Variants in UGGT2 observed in about 807,000 individuals in gnomAD.
The protein encoded by UGGT2 is UDP-glucose glycoprotein glucosyltransferase 2, also known as UDP-glucose:glycoprotein glucosyltransferase 2.
A neutral mutation model predicts 192.1 loss-of-function variants in UGGT2; 180 were observed. That is an observed-to-expected ratio of 0.94 (90% confidence interval 0.83 to 1.06). The LOEUF (loss-of-function observed/expected upper bound fraction) is 1.06, where lower values mean the gene tolerates loss of function less well. Ranked by LOEUF, UGGT2 falls within the 50% of genes least tolerant of loss-of-function variation. The probability of loss-of-function intolerance (pLI) is 0.00; values close to 1 mark genes in which losing one functional copy is unlikely to be tolerated. For missense variants in UGGT2, 1,849 were observed against 1,795.7 expected (o/e 1.03, Z -0.54); for synonymous variants, 580 against 591.0 (o/e 0.98, Z 0.27).
intron 7 of UGGT2, chr13:95,991,206 T>C (rs138134330): frequency 0.016 from 3,825 of 234,364 alleles, 54 homozygotes; most frequent in South Asian, 0.033. Context: ...GTCTTTATAG[T>C]AGAATGATTT....
intron 20 of UGGT2, among the ~76,000 whole-genome samples, chr13:95,912,102 T>C (rs930797482): frequency 2.5e-4 from 38 of 152,168 alleles, no homozygotes; most frequent in African/African-American, 5.1e-4. Context: ...TAATAAGAGC[T>C]ATTTATGACA....
intron 1 of UGGT2, among the ~76,000 whole-genome samples, chr13:96,038,197 T>G (rs912946142): frequency 6.6e-6 from 1 of 152,218 alleles, no homozygotes; most frequent in African/African-American, 2.4e-5. Flanking sequence ...AAAAAGTACC[T>G]TTTGTTGAAT....
At chr13:95,883,027 T>C (rs2047538212) in intron 27 of UGGT2, among the ~76,000 whole-genome samples, 1 of 152,192 alleles carries the variant, frequency 6.6e-6, no homozygotes, top group African/African-American at 2.4e-5. Context: ...GCTATTAGTT[T>C]GCTGCCTTTT....
At chr13:95,805,914 G>GATTTTTTT (rs1385729559) in intron 38 of UGGT2, among the ~76,000 whole-genome samples, 2 of 151,420 alleles carry the variant, frequency 1.3e-5, no homozygotes, top group African/African-American at 2.4e-5. Context: ...CTTGTTACGT[G>GATTTTTTT]ATTTTTTTAA....
chr13:95,920,936 A>G (rs375992453), intron 20 of UGGT2, among the ~76,000 whole-genome samples: 5 of 152,358 alleles, frequency 3.3e-5, no homozygotes, highest in East Asian at 1.9e-4. Context: ...AAGACACGGA[A>G]TCAACCTAAA....
At chr13:95,873,280 T>A (rs1043579240) in intron 29 of UGGT2, among the ~76,000 whole-genome samples, 3 of 152,228 alleles carry the variant, frequency 2.0e-5, no homozygotes, top group African/African-American at 7.2e-5. Context: ...TTTTCTACAC[T>A]ACCATAGCAC....
In UGGT2 at chr13:96,053,210, C is replaced by A. The variant is rs35573057; in HGVS notation, c.103G>T (p.Val35Leu). ...CACTTCGCGGCCAAGTGGGCAGTCA[C>A]CGACTTGGACGCGGCGACCGTCCCG... ...GSGTVAASKS[V>L]TAHLAAKWPE... Residue 35 changes from valine to leucine, a missense_variant, in exon 1 of 39, where the codon GTG becomes TTG. Coordinates refer to ENST00000376747, the MANE Select transcript of UGGT2 (RefSeq NM_020121.4). The A allele has an allele frequency of 2.9e-4, 444 of 1,534,332 alleles. 6 individuals are homozygous for A. In the African/African-American group the frequency reaches 5.1e-3, roughly 17 times the overall value.
Position 95,961,713 on chromosome 13 carries a change from T to C in UGGT2, c.1335+8399A>G, listed in dbSNP as rs368131895. Among the ~76,000 whole-genome samples the C allele has an allele frequency of 3.9e-5, 6 of 152,222 alleles. No individual in the cohort carries two copies. The South Asian group carries it at 1.2e-3, about 32-fold the overall frequency. The stretch of plus-strand genomic sequence containing the variant: ...ATGGAAAATTGAAAAGAACACTGGA[T>C]TTAAAATGTACATTTGATGAAATAG... On this transcript the variant is annotated intron_variant, in intron 12 of 38. Coordinates refer to ENST00000376747, the MANE Select transcript of UGGT2 (RefSeq NM_020121.4).
Position 95,895,316 on chromosome 13 carries a change from AAC to A in UGGT2, c.2635-14_2635-13del, listed in dbSNP as rs758490695. On this transcript the variant is annotated splice_polypyrimidine_tract_variant and intron_variant, in intron 22 of 38. Transcript: ENST00000376747. ...AAAGGTCCTAAGAACTTAAAATAAA[AAC>A]AGTTATATTATCATATATCTTCTAG... The A allele has an allele frequency of 1.3e-5, 18 of 1,364,044 alleles. No individual in the cohort carries two copies. The highest frequency in any genetic ancestry group is 1.7e-5 in the Non-Finnish European group (17 of 996,300). 84.5% of individuals were successfully genotyped at this position (1,364,044 alleles called of 1,614,324 possible). A position where few individuals can be genotyped will look rare whatever the true frequency, so the allele number is the denominator to read the frequency against.
At chr13:96,031,307 T>TTTTTAC (rs1316762261) in intron 2 of UGGT2, among the ~76,000 whole-genome samples, 1 of 152,026 alleles carries the variant, frequency 6.6e-6, no homozygotes, top group East Asian at 1.9e-4. Flanking sequence ...AAGAAAACTA[T>TTTTTAC]CTTAATTTTT....
At chr13:95,875,393 T>C (rs1891587057) in intron 29 of UGGT2, among the ~76,000 whole-genome samples, 3 of 152,208 alleles carry the variant, frequency 2.0e-5, no homozygotes, top group African/African-American at 7.2e-5. Context: ...TGTCTTTTCA[T>C]TCTCTTTTTC....
intron 17 of UGGT2, among the ~76,000 whole-genome samples, chr13:95,930,058 C>T (rs910874782): frequency 1.3e-5 from 2 of 152,158 alleles, no homozygotes; most frequent in African/African-American, 4.8e-5. Flanking sequence ...TCTTTATATG[C>T]TTGTTGGCCG....
chr13:95,887,833 T>C lies in UGGT2; in HGVS notation c.3038+59A>G, dbSNP rs1041038105. The C allele has an allele frequency of 3.7e-6, 4 of 1,080,862 alleles. No individual in the cohort carries two copies. In the African/African-American group the frequency reaches 6.3e-5, roughly 17 times the overall value. The allele number at this position is 1,080,862 out of a possible 1,614,324, so 67.0% of individuals were successfully genotyped here. ...AACCAGGTCCAGTAACAATGATTGT[T>C]TTTTTCTTCTCAGCATTTACAAATT... On this transcript the variant is annotated intron_variant, in intron 26 of 38. Coordinates refer to ENST00000376747, the MANE Select transcript of UGGT2 (RefSeq NM_020121.4).
At chr13:96,051,661 A>G (rs2053490325) in intron 1 of UGGT2, among the ~76,000 whole-genome samples, 1 of 151,940 alleles carries the variant, frequency 6.6e-6, no homozygotes, top group Non-Finnish European at 1.5e-5. Flanking sequence ...CAGTCCCATC[A>G]AAAAGTGGGC....
At chr13:95,944,710 C>G (rs2049805924) in intron 15 of UGGT2, among the ~76,000 whole-genome samples, 1 of 151,986 alleles carries the variant, frequency 6.6e-6, no homozygotes, top group South Asian at 2.1e-4. Context: ...GAATGGTTAA[C>G]TAGTTCTTTT....
intron 2 of UGGT2, among the ~76,000 whole-genome samples, chr13:96,027,954 T>C (rs562684369): frequency 1.3e-5 from 2 of 152,334 alleles, no homozygotes; most frequent in African/African-American, 4.8e-5. Context: ...CATGATCTAA[T>C]ACTTTTACAG....
chr13:96,032,029 T>A, intron 1 of UGGT2, 58 bp from the exon 2 acceptor site: 1 of 1,299,192 alleles, frequency 7.7e-7, no homozygotes, highest in Non-Finnish European at 1.1e-6. Context: ...GTTTAGATAC[T>A]ATAAACTGTA....
At chr13:95,881,066 CG>C (rs1279412071) in intron 27 of UGGT2, among the ~76,000 whole-genome samples, 1 of 152,044 alleles carries the variant, frequency 6.6e-6, no homozygotes, top group Non-Finnish European at 1.5e-5. Context: ...CCTAGCTACT[CG>C]GGGGGCTGGG....
chr13:95,811,718 G>A (rs1884592709), intron 38 of UGGT2, among the ~76,000 whole-genome samples: 1 of 151,716 alleles, frequency 6.6e-6, no homozygotes, highest in Non-Finnish European at 1.5e-5. Context: ...TATAACAATA[G>A]CATAAGAGAA....
Sources: allele counts gnomAD v4.1 joint callset (sites outside exome capture counted in the v4.1 genomes callset), GRCh38; gene constraint gnomAD v4.1.1; transcripts MANE v1.5; gene names NCBI Gene and HGNC (gene_info 2026-07-23, HGNC 2026-07-21).